LBP: variants seen among roughly 807,000 people sequenced by gnomAD.
LBP encodes the protein lipopolysaccharide binding protein.
A neutral mutation model predicts 56.6 loss-of-function variants in LBP; 53 were observed. That is an observed-to-expected ratio of 0.94 (90% CI 0.75 to 1.18). The LOEUF (loss-of-function observed/expected upper bound fraction) is 1.18. Ranked by LOEUF, LBP falls within the 50% of genes most tolerant of loss-of-function variation. The pLI is 0.00. For missense variants in LBP, 601 were observed against 598.3 expected (o/e 1.00, Z -0.05); for synonymous variants, 227 against 247.5 (o/e 0.92, Z 0.78).
At chr20:38,376,571 C>G (rs2083959518) in intron 14 of LBP, 54 bp from the exon 15 acceptor site, 1 of 1,533,906 alleles carries the variant, frequency 6.5e-7, no homozygotes. Flanking sequence ...GCAGATGCAT[C>G]TTTTTGGAGT....
chr20:38,368,822 GTC>G (rs1001719034), intron 9 of LBP, among the ~76,000 whole-genome samples, 171 bp from the exon 10 acceptor site: 1 of 152,194 alleles, frequency 6.6e-6, no homozygotes, highest in African/African-American at 2.4e-5. Context: ...CAGACTCTGT[GTC>G]TGACATGGAG....
At chr20:38,356,416 ACGCG>A (rs1279644185) in intron 5 of LBP, among the ~76,000 whole-genome samples, 5 of 62,452 alleles carry the variant, frequency 8.0e-5, no homozygotes, top group South Asian at 1.3e-3. Flanking sequence ...CACCACACAC[ACGCG>A]CACACACACA....
chr20:38,368,580 C>T lies in LBP; in HGVS notation c.982-415C>T, dbSNP rs192574484. ...CACCATTGCACTCCAGCCTGGGTGA[C>T]AAGAGCAAAACTCCATCTCAAAAAA... is the stretch of plus-strand genomic sequence containing the variant. On this transcript the variant is annotated intron_variant, in intron 9 of 14. Transcript: ENST00000217407. Among the ~76,000 whole-genome samples, 32 of 152,212 alleles carry T rather than the reference C, an allele frequency of 2.1e-4. 1 individual carries two copies. The highest frequency in any genetic ancestry group is 1.9e-3 in the Admixed American group (29 of 15,288).
chr20:38,348,656 C>T (rs542867686), intron 1 of LBP, among the ~76,000 whole-genome samples: 13 of 152,176 alleles, frequency 8.5e-5, no homozygotes, highest in African/African-American at 3.1e-4. Flanking sequence ...TTACTGAGTG[C>T]CTGCTGTGTG....
At chr20:38,372,415 C>T (rs1266478271) in intron 12 of LBP, among the ~76,000 whole-genome samples, 1 of 152,204 alleles carries the variant, frequency 6.6e-6, no homozygotes, top group African/African-American at 2.4e-5. Context: ...CATATTGTAT[C>T]TGTGCGTGTT....
intron 9 of LBP, among the ~76,000 whole-genome samples, chr20:38,368,514 G>A (rs1004054883): frequency 3.3e-5 from 5 of 152,078 alleles, no homozygotes; most frequent in East Asian, 1.9e-4. Context: ...AAGGAGAATC[G>A]CTTGAACCCC....
At chr20:38,358,717 G>A (rs1267513309) in intron 5 of LBP, among the ~76,000 whole-genome samples, 1 of 152,190 alleles carries the variant, frequency 6.6e-6, no homozygotes, top group Non-Finnish European at 1.5e-5. Context: ...GATGGTGCCT[G>A]CTTACCCTTC....
chr20:38,361,252 G>C (rs1411988362), intron 6 of LBP, among the ~76,000 whole-genome samples: 1 of 151,864 alleles, frequency 6.6e-6, no homozygotes, highest in Non-Finnish European at 1.5e-5. Context: ...TGTTTTGGGT[G>C]TATCTTTTCA....
At chr20:38,364,348 T>C (rs1356127551) in intron 7 of LBP, among the ~76,000 whole-genome samples, 2 of 151,828 alleles carry the variant, frequency 1.3e-5, no homozygotes, top group Non-Finnish European at 2.9e-5. Flanking sequence ...TCTTAGGGAG[T>C]GTAGATGGGC....
At chr20:38,373,043 G>A (rs1301655924) in intron 12 of LBP, 29 bp from the exon 13 acceptor site, 5 of 1,607,144 alleles carry the variant, frequency 3.1e-6, no homozygotes, top group East Asian at 2.2e-5. Flanking sequence ...CTGTGGCGAT[G>A]TAAATATATC....
Position 38,355,655 on chromosome 20 carries a change from G to A in LBP, c.588+246G>A, listed in dbSNP as rs570332348. On this transcript the variant is annotated intron_variant, in intron 5 of 14. Transcript: ENST00000217407. ...GCTTGACCAAGGGTTAAACAGCAGG[G>A]GCTAAACAGAGACTCCAGCCCCTCC... Among the ~76,000 whole-genome samples the A allele has an allele frequency of 5.3e-5, 8 of 152,272 alleles. No individual in the cohort carries two copies. In the South Asian group the frequency reaches 1.7e-3, roughly 32 times the overall value.
At chr20:38,355,309 C>G (rs758917459) in intron 4 of LBP, 37 bp from the exon 5 acceptor site, 3 of 1,605,756 alleles carry the variant, frequency 1.9e-6, no homozygotes, top group Non-Finnish European at 2.6e-6. Context: ...ACCCGGCCAT[C>G]CCCAAGTTCA....
chr20:38,357,046 G>A (rs922286156), intron 5 of LBP, among the ~76,000 whole-genome samples: 4 of 152,162 alleles, frequency 2.6e-5, no homozygotes, highest in South Asian at 2.1e-4. Flanking sequence ...TAGTAGAGAC[G>A]GGGTTTCACC....
chr20:38,367,921 G>T (rs1780626), intron 9 of LBP, among the ~76,000 whole-genome samples: 70,587 of 151,778 alleles, frequency 0.47, 16,707 homozygotes, highest in Non-Finnish European at 0.5. Flanking sequence ...GCTGGTCGTG[G>T]TGGCTCACAC....
chr20:38,361,402 T>C (rs1204095865), intron 6 of LBP, among the ~76,000 whole-genome samples: 2 of 152,106 alleles, frequency 1.3e-5, no homozygotes, highest in Non-Finnish European at 2.9e-5. Flanking sequence ...GTATAGGCAT[T>C]GTTCCAGATT....
At chr20:38,350,424 TGAGA>T (rs1053395715) in intron 2 of LBP, among the ~76,000 whole-genome samples, 4 of 152,118 alleles carry the variant, frequency 2.6e-5, no homozygotes, top group African/African-American at 9.7e-5. Flanking sequence ...CTGGATGTAT[TGAGA>T]GAGAGGAGGG....
intron 1 of LBP, among the ~76,000 whole-genome samples, chr20:38,349,143 T>C (rs2076811603): frequency 6.6e-6 from 1 of 152,182 alleles, no homozygotes; most frequent in African/African-American, 2.4e-5. Context: ...GTGAAGGTTG[T>C]TTGGGGACTT....
intron 11 of LBP, 77 bp downstream of exon 11, chr20:38,370,882 G>T: frequency 8.3e-7 from 1 of 1,207,022 alleles, no homozygotes; most frequent in Non-Finnish European, 1.2e-6. Flanking sequence ...TCTGTAGCTG[G>T]TGGGAGGGGG....
chr20:38,366,534 G>A (rs528467282), intron 8 of LBP, among the ~76,000 whole-genome samples: 3 of 152,174 alleles, frequency 2.0e-5, no homozygotes, highest in Non-Finnish European at 4.4e-5. Context: ...CCTCACCCTC[G>A]CAGACCCTCT....
Sources: gnomAD v4.1 joint callset for allele counts (sites outside exome capture counted in the v4.1 genomes callset) on GRCh38, gnomAD v4.1.1 for gene constraint, MANE v1.5 for transcripts, NCBI Gene and HGNC (gene_info 2026-07-23, HGNC 2026-07-21) for gene names.